Variants in ZPBP observed in about 807,000 individuals in gnomAD.
ZPBP encodes zona pellucida-binding protein 1.
ZPBP carries 26 observed loss-of-function variants against 44.8 expected under a neutral mutation model. The ratio of observed to expected loss-of-function variants is 0.58; its 90% confidence interval spans 0.43 to 0.81. The LOEUF (loss-of-function observed/expected upper bound fraction) is 0.81, where lower values mean the gene tolerates loss of function less well. ZPBP is among the 30% of genes least tolerant of loss of function. ZPBP has a pLI of 0.00. For synonymous variants in ZPBP, 174 were observed against 153.2 expected (o/e 1.14, Z -1.00); for missense variants, 409 against 434.0 (o/e 0.94, Z 0.51).
intron 7 of ZPBP, among the ~76,000 whole-genome samples, chr7:49,951,647 T>G (rs977237939): frequency 1.3e-5 from 2 of 151,254 alleles, no homozygotes; most frequent in African/African-American, 4.8e-5. Context: ...ATATGTCTTG[T>G]GAAAAATGGT....
intron 7 of ZPBP, among the ~76,000 whole-genome samples, chr7:49,952,116 G>A (rs1315036823): frequency 2.0e-5 from 3 of 151,868 alleles, no homozygotes; most frequent in Admixed American, 6.6e-5. Context: ...CCTTTTTGAA[G>A]TGATAAAATG....
At chr7:49,871,533 T>G (rs1419509552) in intron 2 of ZPBP, among the ~76,000 whole-genome samples, 1 of 152,158 alleles carries the variant, frequency 6.6e-6, no homozygotes, top group African/African-American at 2.4e-5. Flanking sequence ...TTATGTGTCT[T>G]TAAGCAGAAA....
At chr7:49,994,394 A>T (rs751050398) in intron 6 of ZPBP, among the ~76,000 whole-genome samples, 1 of 152,210 alleles carries the variant, frequency 6.6e-6, no homozygotes, top group Non-Finnish European at 1.5e-5. Context: ...AGGAATGGGG[A>T]ACATGGGCAT....
intron 6 of ZPBP, among the ~76,000 whole-genome samples, chr7:50,004,730 T>A (rs772117668): frequency 6.6e-6 from 1 of 151,960 alleles, no homozygotes; most frequent in Non-Finnish European, 1.5e-5. Flanking sequence ...TGAAAACAGG[T>A]CATTTGAAAT....
At chr7:49,896,192 T>G (rs1295568309) in intron 2 of ZPBP, among the ~76,000 whole-genome samples, 1 of 151,978 alleles carries the variant, frequency 6.6e-6, no homozygotes, top group Non-Finnish European at 1.5e-5. Flanking sequence ...AATACAAAAA[T>G]TAGTCAGGTT....
At chr7:49,869,060 T>G (rs1228283580) in intron 2 of ZPBP, among the ~76,000 whole-genome samples, 1 of 152,192 alleles carries the variant, frequency 6.6e-6, no homozygotes, top group Non-Finnish European at 1.5e-5. Flanking sequence ...TTGTAGGGAA[T>G]TTTTGAAACC....
At chr7:49,884,356 TA>T (rs1791805823) in intron 2 of ZPBP, among the ~76,000 whole-genome samples, 1 of 152,204 alleles carries the variant, frequency 6.6e-6, no homozygotes, top group African/African-American at 2.4e-5. Context: ...AAGAAGGCTT[TA>T]ACCGGGTGCT....
At chr7:50,063,109 A>C (rs780430255) in intron 3 of ZPBP, among the ~76,000 whole-genome samples, 1 of 152,168 alleles carries the variant, frequency 6.6e-6, no homozygotes, top group Non-Finnish European at 1.5e-5. Context: ...TTTACGACTG[A>C]GTTTATCTGT....
chr7:50,038,061 C>T (rs1039468140), intron 4 of ZPBP, among the ~76,000 whole-genome samples: 1 of 152,212 alleles, frequency 6.6e-6, no homozygotes. Flanking sequence ...ATCACCCTTA[C>T]CCCAATTCAT....
intron 7 of ZPBP, among the ~76,000 whole-genome samples, chr7:49,950,173 T>C (rs2128757874): frequency 6.6e-6 from 1 of 151,998 alleles, no homozygotes; most frequent in South Asian, 2.1e-4. Context: ...AATTTAGAAG[T>C]TTTAATAGTG....
chr7:49,907,922 T>C (rs1000311481), intron 1 of ZPBP, among the ~76,000 whole-genome samples: 2 of 152,094 alleles, frequency 1.3e-5, no homozygotes, highest in African/African-American at 2.4e-5. Flanking sequence ...AGAGCTCTTA[T>C]CAGACCTATA....
intron 3 of ZPBP, among the ~76,000 whole-genome samples, chr7:50,071,716 T>G (rs1801848561): frequency 6.6e-6 from 1 of 152,158 alleles, no homozygotes; most frequent in Non-Finnish European, 1.5e-5. Context: ...AGAGTTGTGA[T>G]GTCCCCATTC....
chr7:50,007,775 T>C (rs909681813), intron 6 of ZPBP, among the ~76,000 whole-genome samples: 1 of 151,948 alleles, frequency 6.6e-6, no homozygotes, highest in Non-Finnish European at 1.5e-5. Flanking sequence ...AAAAAATATA[T>C]ATTTTTCAAC....
intron 2 of ZPBP, among the ~76,000 whole-genome samples, chr7:50,086,752 AG>A (rs1169746369): frequency 1.3e-5 from 2 of 152,044 alleles, no homozygotes; most frequent in Non-Finnish European, 1.5e-5. Flanking sequence ...GTCCTGAAGG[AG>A]GGGAGAGAGA....
At chr7:49,899,969 C>G (rs1316945204) in intron 2 of ZPBP, among the ~76,000 whole-genome samples, 1 of 151,782 alleles carries the variant, frequency 6.6e-6, no homozygotes, top group Non-Finnish European at 1.5e-5. Flanking sequence ...CATACAATAG[C>G]TGCTCTCAGA....
chr7:50,041,109 T>G (rs1584102161), intron 4 of ZPBP, among the ~76,000 whole-genome samples: 2 of 152,166 alleles, frequency 1.3e-5, no homozygotes, highest in Non-Finnish European at 2.9e-5. Context: ...CCTATCTAGA[T>G]TCCTCTTCTC....
In ZPBP at chr7:49,937,494, T is replaced by A; in HGVS notation, c.*34A>T. On this transcript the variant is annotated 3_prime_UTR_variant, in exon 8 of 8. Transcript: ENST00000046087. ...TAATATTTCAAATATATACTTTGCA[T>A]TTAATAAACCACTGAATAACTGAAG... The A allele has an allele frequency of 6.8e-7, 1 of 1,480,372 alleles. No individual in the cohort carries two copies. Among genetic ancestry groups the A allele is most frequent in the Non-Finnish European group, 9.4e-7 (1 of 1,058,548 alleles). The allele number at this position is 1,480,372 out of a possible 1,614,324, so 91.7% of individuals were successfully genotyped here.
At chr7:50,090,468 T>C (rs892492499) in intron 1 of ZPBP, among the ~76,000 whole-genome samples, 2 of 61,666 alleles carry the variant, frequency 3.2e-5, no homozygotes, top group Non-Finnish European at 7.0e-5. Flanking sequence ...CATATATATA[T>C]TTATGTTTGT....
chr7:50,012,935 G>C (rs900835714), intron 6 of ZPBP, among the ~76,000 whole-genome samples: 1 of 151,678 alleles, frequency 6.6e-6, no homozygotes, highest in Non-Finnish European at 1.5e-5. Context: ...AGTTAATTTA[G>C]CAAGGTGGCA....
Sources: allele counts gnomAD v4.1 joint callset (sites outside exome capture counted in the v4.1 genomes callset), GRCh38; gene constraint gnomAD v4.1.1; transcripts MANE v1.5; gene names NCBI Gene and HGNC (gene_info 2026-07-23, HGNC 2026-07-21).